TLE3: variants seen among roughly 807,000 people sequenced by gnomAD.
TLE3 encodes the protein transducin-like enhancer protein 3.
A neutral mutation model predicts 93.0 loss-of-function variants in TLE3; 14 were observed. That is an observed-to-expected ratio of 0.15 (90% CI 0.10 to 0.24). TLE3 has a LOEUF of 0.24. Ranked by LOEUF, TLE3 falls within the 10% of genes least tolerant of loss-of-function variation. The pLI is 1.00. For synonymous variants in TLE3, 451 were observed against 425.0 expected (o/e 1.06, Z -0.75); for missense variants, 693 against 1,046.6 (o/e 0.66, Z 4.66).
Position 70,057,398 on chromosome 15 carries a change from C to A in TLE3, c.1251+61G>T. 2.0e-6 allele frequency: 3 copies of A among 1,517,592 alleles called. No homozygotes were observed. In the South Asian group the frequency reaches 3.8e-5, roughly 19 times the overall value. The allele number at this position is 1,517,592 out of a possible 1,614,324, so 94.0% of individuals were successfully genotyped here. On this transcript the variant is annotated intron_variant, in intron 13 of 19. Transcript: ENST00000451782. Reference sequence around the variant, plus strand: ...CTTTAGCATGTGGGGAGCACCCGTCCAACCACTGGCTCCCCACACCACGCC... The same window carrying A: ...CTTTAGCATGTGGGGAGCACCCGTCAAACCACTGGCTCCCCACACCACGCC...
intron 4 of TLE3, among the ~76,000 whole-genome samples, chr15:70,080,469 A>G (rs886883622): frequency 6.6e-6 from 1 of 152,220 alleles, no homozygotes; most frequent in Non-Finnish European, 1.5e-5. Context: ...AGCAGTTCAG[A>G]GAAATGGGGA....
intron 4 of TLE3, among the ~76,000 whole-genome samples, chr15:70,079,706 G>A (rs2057664095): frequency 6.6e-6 from 1 of 151,900 alleles, no homozygotes; most frequent in African/African-American, 2.4e-5. Context: ...CTTGGGGGAG[G>A]GGAAGTTCCT....
At chr15:70,090,143 C>T (rs1051715851) in intron 4 of TLE3, among the ~76,000 whole-genome samples, 1 of 152,290 alleles carries the variant, frequency 6.6e-6, no homozygotes, top group South Asian at 2.1e-4. Flanking sequence ...GGCAACCTCC[C>T]TCTAGCTAGA....
At position 70,047,980 on chromosome 15, in the gene TLE3, G is replaced by C. The variant is rs1274954208; in HGVS notation, c.*2117C>G. Reference sequence around the variant, plus strand: ...CTTGGATGGGAGGCGACACAGTATGGGATTGTGAAATCCCTGCTGCGATGC... The same window carrying C: ...CTTGGATGGGAGGCGACACAGTATGCGATTGTGAAATCCCTGCTGCGATGC... On this transcript the variant is annotated 3_prime_UTR_variant, in exon 20 of 20. Transcript: ENST00000451782. 6.6e-6 allele frequency: 1 copy of C among 152,274 alleles called. No homozygotes were observed. Among genetic ancestry groups the C allele is most frequent in the East Asian group, 1.9e-4 (1 of 5,180 alleles). The allele number at this position is 152,274 out of a possible 1,614,324, so 9.4% of individuals were successfully genotyped here.
At chr15:70,080,709 G>C (rs1170142737) in intron 4 of TLE3, among the ~76,000 whole-genome samples, 2 of 152,220 alleles carry the variant, frequency 1.3e-5, no homozygotes, top group South Asian at 4.1e-4. Context: ...GTAAACCGAG[G>C]GTACTTGAGC....
At chr15:70,071,011 G>A (rs1323940127) in intron 6 of TLE3, among the ~76,000 whole-genome samples, 3 of 152,162 alleles carry the variant, frequency 2.0e-5, no homozygotes, top group African/African-American at 7.2e-5. Context: ...CAAATTGTCA[G>A]TAGGTAAGCA....
intron 4 of TLE3, among the ~76,000 whole-genome samples, chr15:70,080,683 C>T (rs1257175059): frequency 6.6e-6 from 1 of 152,188 alleles, no homozygotes; most frequent in Non-Finnish European, 1.5e-5. Context: ...AAAGCAGGAC[C>T]TCTGAACATC....
At chr15:70,050,240 C>T (rs146838495) in intron 19 of TLE3, 36 bp from the exon 20 acceptor site, 122 of 1,528,948 alleles carry the variant, frequency 8.0e-5, no homozygotes, top group African/African-American at 4.5e-4. Flanking sequence ...AGCAGGAAGG[C>T]GTGGGGTGCA....
At position 70,054,640 on chromosome 15, in the gene TLE3, G is replaced by A. The variant is rs779892888; in HGVS notation, c.1624C>T (p.Arg542Cys). The change falls in exon 16 of 20, where the codon CGC (arginine) becomes TGC (cysteine). Residue 542 changes from arginine (R) to cysteine (C), a missense_variant. Arg to Cys is a radical substitution (Grantham distance 180). Transcript: ENST00000451782. Reference sequence around the variant, plus strand: ...GCCTCGCCGCCCACGATGAGCGTGCGCCCATCAGGGAGCAGCTTGCAGGAG... The same window carrying A: ...GCCTCGCCGCCCACGATGAGCGTGCACCCATCAGGGAGCAGCTTGCAGGAG... ...IRSCKLLPDG[R>C]TLIVGGEAST... 3.1e-6 allele frequency: 5 copies of A among 1,608,060 alleles called. No individual in the cohort carries two copies. Among genetic ancestry groups the A allele is most frequent in the South Asian group, 1.1e-5 (1 of 90,760 alleles).
chr15:70,069,617 T>C (rs1046412694), intron 6 of TLE3, among the ~76,000 whole-genome samples: 3 of 152,160 alleles, frequency 2.0e-5, no homozygotes, highest in Non-Finnish European at 2.9e-5. Context: ...TGGGGTGGTT[T>C]GAAGGCACAG....
Position 70,066,009 on chromosome 15 carries a change from C to A in TLE3, c.577+5G>T. ...GCCCCACCCTCTGCCCCAGCCCAGCCGCACCTCTGTGATCGAGTTCATGGT... is the reference window on the plus strand; with the variant it reads ...GCCCCACCCTCTGCCCCAGCCCAGCAGCACCTCTGTGATCGAGTTCATGGT... On this transcript the variant is annotated splice_donor_5th_base_variant and intron_variant, in intron 7 of 19. Transcript: ENST00000451782. The A allele has an allele frequency of 1.2e-6, 2 of 1,612,526 alleles. No individual in the cohort carries two copies. Among genetic ancestry groups the A allele is most frequent in the Non-Finnish European group, 1.7e-6 (2 of 1,179,328 alleles).
At chr15:70,079,239 GAACCT>G in intron 4 of TLE3, 1 of 373,078 alleles carries the variant, frequency 2.7e-6, no homozygotes, top group Non-Finnish European at 5.3e-6. Flanking sequence ...CACAGATGCA[GAACCT>G]TCCACAAGCC....
At position 70,049,985 on chromosome 15, in the gene TLE3, C is replaced by A. The variant is rs1395036828; in HGVS notation, c.*112G>T. On this transcript the variant is annotated 3_prime_UTR_variant, in exon 20 of 20. Coordinates refer to ENST00000451782, the MANE Select transcript of TLE3 (RefSeq NM_001105192.3). Reference sequence around the variant, plus strand: ...CGGCCGGAGCGCAGCCCTGAACGCTCGGCTGCCTGCGGCCCATCCTCCGCC... The same window carrying A: ...CGGCCGGAGCGCAGCCCTGAACGCTAGGCTGCCTGCGGCCCATCCTCCGCC... 3.5e-6 allele frequency: 3 copies of A among 856,030 alleles called. No individual in the cohort carries two copies. In the Admixed American group the frequency reaches 5.8e-5, roughly 16 times the overall value. The allele number at this position is 856,030 out of a possible 1,614,324, so 53.0% of individuals were successfully genotyped here.
intron 4 of TLE3, among the ~76,000 whole-genome samples, chr15:70,088,234 G>C (rs112257492): frequency 4.6e-4 from 70 of 152,256 alleles, no homozygotes; most frequent in African/African-American, 1.5e-3. Flanking sequence ...CTTGAGAAAC[G>C]CAAGGTCCTA....
chr15:70,096,980 A>C lies in TLE3; in HGVS notation c.-182T>G, dbSNP rs1449491877. On this transcript the variant is annotated 5_prime_UTR_variant, in exon 1 of 20. Transcript: ENST00000451782. ...AGTCGGGCGCCCGCCCCAAGTGGAG[A>C]CAAAGAGCCGCGGAGCAGGCGGCAA... 1.5e-6 allele frequency: 1 copy of C among 648,568 alleles called. No individual in the cohort carries two copies. Among genetic ancestry groups the C allele is most frequent in the Admixed American group, 2.5e-5 (1 of 39,998 alleles). 40.2% of individuals were successfully genotyped at this position (648,568 alleles called of 1,614,324 possible). A position where few individuals can be genotyped will look rare whatever the true frequency, so the allele number is the denominator to read the frequency against.
chr15:70,084,019 A>C (rs2057922473), intron 4 of TLE3, among the ~76,000 whole-genome samples: 1 of 152,212 alleles, frequency 6.6e-6, no homozygotes, highest in Non-Finnish European at 1.5e-5. Flanking sequence ...TAGGCTATAA[A>C]AATCAAGATC....
At chr15:70,066,322 C>A in intron 6 of TLE3, 104 bp from the exon 7 acceptor site, 1 of 1,080,270 alleles carries the variant, frequency 9.3e-7, no homozygotes, top group South Asian at 1.8e-5. Flanking sequence ...TCCTCTTGCT[C>A]CTTCACTGGG....
In TLE3 at chr15:70,056,426, C is replaced by A. The variant is rs2056038505; in HGVS notation, c.1252-52G>T. 12 of 1,551,170 alleles carry A rather than the reference C, an allele frequency of 7.7e-6. No homozygotes were observed. The East Asian group carries it at 1.1e-4, about 15-fold the overall frequency. On this transcript the variant is annotated intron_variant, in intron 13 of 19. Transcript: ENST00000451782. ...CATCAGCCGTGCTGCCACACACCCC[C>A]ACCCCTGCCTCCTCCACCACCCACC... is the stretch of plus-strand genomic sequence containing the variant.
At chr15:70,054,343 C>T (rs943424311) in intron 16 of TLE3, 95 bp downstream of exon 16, 6 of 1,529,198 alleles carry the variant, frequency 3.9e-6, no homozygotes, top group South Asian at 1.3e-5. Flanking sequence ...CCCACAGTGC[C>T]TCAGACAGGG....
Sources: gnomAD v4.1 joint callset for allele counts (sites outside exome capture counted in the v4.1 genomes callset) on GRCh38, gnomAD v4.1.1 for gene constraint, MANE v1.5 for transcripts, NCBI Gene and HGNC (gene_info 2026-07-23, HGNC 2026-07-21) for gene names.